ZNF787: variants seen among roughly 807,000 people sequenced by gnomAD.
The protein encoded by ZNF787 is TTF-I-interacting peptide 20.
A neutral mutation model predicts 16.9 loss-of-function variants in ZNF787; 7 were observed. The ratio of observed to expected loss-of-function variants is 0.42; its 90% CI spans 0.24 to 0.78. The LOEUF is 0.78. ZNF787 is among the 30% of genes least tolerant of loss of function. ZNF787 has a pLI of 0.30. For missense variants in ZNF787, 551 were observed against 589.3 expected (o/e 0.94, Z 0.67); for synonymous variants, 345 against 270.9 (o/e 1.27, Z -2.69).
intron 1 of ZNF787, among the ~76,000 whole-genome samples, chr19:56,120,405 C>T (rs2030254899): frequency 6.6e-6 from 1 of 152,230 alleles, no homozygotes; most frequent in Non-Finnish European, 1.5e-5. Flanking sequence ...TCAGGAGTCG[C>T]CACCCGATCC....
Position 56,097,655 on chromosome 19 carries a change from G to C in ZNF787, c.79+5484C>G, listed in dbSNP as rs1282811840. 2.6e-5 allele frequency among the ~76,000 whole-genome samples: 4 copies of C among 152,234 alleles called. No homozygotes were observed. In the East Asian group the frequency reaches 7.7e-4, roughly 29 times the overall value. ...TTTTGGTCTCCTATAAAATCCGTAC[G>C]TTTCTTTTTATCTGGCTGTGTTCCT... On this transcript the variant is annotated intron_variant, in intron 2 of 2. Coordinates refer to ENST00000610935, the MANE Select transcript of ZNF787 (RefSeq NM_001002836.4).
chr19:56,114,423 G>GTCTCTC (rs71184319), intron 1 of ZNF787, among the ~76,000 whole-genome samples: 3 of 106,082 alleles, frequency 2.8e-5, no homozygotes, highest in African/African-American at 1.3e-4. Flanking sequence ...GCCAGGCCTG[G>GTCTCTC]TCTCTCTGAG....
chr19:56,113,218 C>T (rs1276821466), intron 1 of ZNF787, among the ~76,000 whole-genome samples: 1 of 152,132 alleles, frequency 6.6e-6, no homozygotes, highest in Non-Finnish European at 1.5e-5. Flanking sequence ...CTCACACCCA[C>T]TGCCAGCCTC....
intron 2 of ZNF787, among the ~76,000 whole-genome samples, chr19:56,089,453 C>CG (rs1568522063): frequency 1.3e-5 from 2 of 152,098 alleles, no homozygotes; most frequent in Non-Finnish European, 2.9e-5. Flanking sequence ...GCCTGGACGC[C>CG]GGGGGCAGAG....
At position 56,112,707 on chromosome 19, in the gene ZNF787, T is replaced by A. The variant is rs114173931; in HGVS notation, c.-11+8465A>T. On this transcript the variant is annotated intron_variant, in intron 1 of 2. Transcript: ENST00000610935. Reference sequence around the variant, plus strand: ...GCCTGGAGCAGCCACCTCCCTTCCTTCCCCCCAAGTCATCCTCCAACCACT... The same window carrying A: ...GCCTGGAGCAGCCACCTCCCTTCCTACCCCCCAAGTCATCCTCCAACCACT... Among the ~76,000 whole-genome samples, 722 of 150,676 alleles carry A rather than the reference T, an allele frequency of 4.8e-3. 10 individuals are homozygous for A. The highest frequency in any genetic ancestry group is 0.017 in the African/African-American group (679 of 40,938).
chr19:56,103,072 G>A, intron 2 of ZNF787, 67 bp downstream of exon 2: 1 of 1,562,228 alleles, frequency 6.4e-7, no homozygotes, highest in Non-Finnish European at 8.8e-7. Flanking sequence ...CTCCCACCCA[G>A]AGGCAAAGGA....
intron 1 of ZNF787, among the ~76,000 whole-genome samples, chr19:56,117,963 C>T (rs534143670): frequency 4.6e-5 from 7 of 152,260 alleles, no homozygotes; most frequent in Non-Finnish European, 1.0e-4. Context: ...GACGTCCACA[C>T]TCTGTGAGCC....
At chr19:56,109,676 G>A (rs180816073) in intron 1 of ZNF787, among the ~76,000 whole-genome samples, 4 of 152,250 alleles carry the variant, frequency 2.6e-5, no homozygotes, top group Admixed American at 1.3e-4. Context: ...GGTGGATCAC[G>A]AGATCGAGAC....
At chr19:56,113,450 C>T (rs376445986) in intron 1 of ZNF787, among the ~76,000 whole-genome samples, 1 of 152,308 alleles carries the variant, frequency 6.6e-6, no homozygotes, top group African/African-American at 2.4e-5. Context: ...GCATAACAGC[C>T]GAAATGTAGA....
chr19:56,095,323 C>T (rs1480611049), intron 2 of ZNF787, among the ~76,000 whole-genome samples: 1 of 152,212 alleles, frequency 6.6e-6, no homozygotes, highest in Non-Finnish European at 1.5e-5. Flanking sequence ...GGACCCTGTA[C>T]TAAATGATCT....
At chr19:56,089,723 G>A (rs537237169) in intron 2 of ZNF787, among the ~76,000 whole-genome samples, 1 of 152,330 alleles carries the variant, frequency 6.6e-6, no homozygotes, top group East Asian at 1.9e-4. Context: ...CATTACAGAG[G>A]CTATGGTCAG....
At chr19:56,099,580 G>A (rs906625156) in intron 2 of ZNF787, among the ~76,000 whole-genome samples, 50 of 152,084 alleles carry the variant, frequency 3.3e-4, no homozygotes, top group African/African-American at 6.3e-4. Context: ...GCATGGTGGC[G>A]GGTGCCTGTA....
At position 56,088,464 on chromosome 19, in the gene ZNF787, G is replaced by A. The variant is rs898378249; in HGVS notation, c.708C>T (p.Pro236=). 7.6e-6 allele frequency: 10 copies of A among 1,318,488 alleles called. No homozygotes were observed. Among genetic ancestry groups the A allele is most frequent in the Admixed American group, 4.1e-5 (1 of 24,148 alleles). 81.7% of individuals were successfully genotyped at this position (1,318,488 alleles called of 1,614,324 possible). ...AVAADGEIAI[P]VGDGEGIIVV... Reference sequence around the variant, plus strand: ...CGATGATGCCCTCGCCATCGCCCACGGGGATGGCGATCTCGCCGTCCGCCG... The same window carrying A: ...CGATGATGCCCTCGCCATCGCCCACAGGGATGGCGATCTCGCCGTCCGCCG... Residue 236 remains proline (P), a synonymous_variant, in exon 3 of 3, where the codon CCC becomes CCT. Coordinates refer to ENST00000610935, the MANE Select transcript of ZNF787 (RefSeq NM_001002836.4). The surrounding 1 kb of genome is among the most constrained non-coding windows in gnomAD (Gnocchi z 8.6).
intron 1 of ZNF787, among the ~76,000 whole-genome samples, chr19:56,118,502 G>A (rs989134121): frequency 6.6e-6 from 1 of 152,216 alleles, no homozygotes; most frequent in African/African-American, 2.4e-5. Context: ...AGTAGACACA[G>A]GTTCTGAAGC....
intron 1 of ZNF787, among the ~76,000 whole-genome samples, chr19:56,107,304 C>G (rs1320422709): frequency 1.3e-5 from 2 of 152,190 alleles, no homozygotes; most frequent in East Asian, 3.9e-4. Context: ...CAAGTCTATG[C>G]CCAGTACCAC....
At position 56,087,996 on chromosome 19, in the gene ZNF787, G is replaced by GCCC; in HGVS notation, c.*24_*26dup. 2 of 1,157,758 alleles carry GCCC rather than the reference G, an allele frequency of 1.7e-6. No individual in the cohort carries two copies. 71.7% of individuals were successfully genotyped at this position (1,157,758 alleles called of 1,614,324 possible). On this transcript the variant is annotated 3_prime_UTR_variant, in exon 3 of 3. Coordinates refer to ENST00000610935, the MANE Select transcript of ZNF787 (RefSeq NM_001002836.4). Reference sequence around the variant, plus strand: ...GCTCCCGCCAAGCCCGAGGGGCCCTGCCCGCCCCCCCCCCCGGGCCCCTCC... The same window carrying GCCC: ...GCTCCCGCCAAGCCCGAGGGGCCCTGCCCCCCGCCCCCCCCCCCGGGCCCCTCC...
At position 56,087,840 on chromosome 19, in the gene ZNF787, C is replaced by A. The variant is rs1319792971; in HGVS notation, c.*183G>T. The A allele has an allele frequency of 4.1e-6, 4 of 971,034 alleles. No homozygotes were observed. Among genetic ancestry groups the A allele is most frequent in the Non-Finnish European group, 2.7e-6 (2 of 750,276 alleles). 60.2% of individuals were successfully genotyped at this position (971,034 alleles called of 1,614,324 possible). A position where few individuals can be genotyped will look rare whatever the true frequency, so the allele number is the denominator to read the frequency against. On this transcript the variant is annotated 3_prime_UTR_variant, in exon 3 of 3. Coordinates refer to ENST00000610935, the MANE Select transcript of ZNF787 (RefSeq NM_001002836.4). The stretch of plus-strand genomic sequence containing the variant: ...CAGAGTCTCGAGGCGGAGAAGTGAA[C>A]GGGCCCTAATACGCCCCAGTGCCCC...
At position 56,108,981 on chromosome 19, in the gene ZNF787, G is replaced by A. The variant is rs115227551; in HGVS notation, c.-10-5754C>T. Reference sequence around the variant, plus strand: ...CCATCACAGTGAGGTTCCGAATGGGGAAACCGGGAGGAACTCAAGAGACCC... The same window carrying A: ...CCATCACAGTGAGGTTCCGAATGGGAAAACCGGGAGGAACTCAAGAGACCC... On this transcript the variant is annotated intron_variant, in intron 1 of 2. Transcript: ENST00000610935. 3.4e-3 allele frequency among the ~76,000 whole-genome samples: 516 copies of A among 152,198 alleles called. 8 individuals are homozygous for A. The highest frequency in any genetic ancestry group is 0.012 in the African/African-American group (499 of 41,528).
chr19:56,111,531 C>T (rs1371419472), intron 1 of ZNF787, among the ~76,000 whole-genome samples: 1 of 151,908 alleles, frequency 6.6e-6, no homozygotes, highest in Non-Finnish European at 1.5e-5. Flanking sequence ...TGCTTTTTTC[C>T]TGCCTTTTAG....
Sources: gnomAD v4.1 joint callset for allele counts (sites outside exome capture counted in the v4.1 genomes callset) on GRCh38, gnomAD v4.1.1 for gene constraint, Gnocchi (gnomAD v3.1) non-coding constraint, MANE v1.5 for transcripts, NCBI Gene and HGNC (gene_info 2026-07-23, HGNC 2026-07-21) for gene names.